Variants in FARP1 observed in about 807,000 individuals in gnomAD.
FARP1 encodes FERM, ARH/RhoGEF and pleckstrin domain protein 1, also known as FERM, ARHGEF and pleckstrin domain-containing protein 1.
In FARP1, 52 loss-of-function variants were observed where a neutral mutation model predicts 128.8. That is an observed-to-expected ratio of 0.40 (90% CI 0.32 to 0.51). The LOEUF is 0.51. FARP1 is among the 20% of genes least tolerant of loss of function. The pLI, the probability that FARP1 is intolerant of heterozygous loss-of-function variation, is 0.45. For missense variants in FARP1, 1,333 were observed against 1,367.9 expected, an observed-to-expected ratio of 0.97 and a Z score of 0.40; for synonymous variants, 580 against 551.8, an observed-to-expected ratio of 1.05 and a Z score of -0.72.
chr13:98,380,701 G>C lies in FARP1; in HGVS notation c.496+2783G>C, dbSNP rs1205366397. 2.6e-5 allele frequency among the ~76,000 whole-genome samples: 4 copies of C among 152,096 alleles called. No homozygotes were observed. In the East Asian group the frequency reaches 7.8e-4, roughly 30 times the overall value. ...CAATCCTCCTGCCTCAGCCTCCTGA[G>C]TAGCTGGGACTCTAGGCACATGCCA... On this transcript the variant is annotated intron_variant, in intron 6 of 26. Coordinates refer to ENST00000319562, the MANE Select transcript of FARP1 (RefSeq NM_005766.4).
At chr13:98,181,339 A>G (rs966139974) in intron 1 of FARP1, among the ~76,000 whole-genome samples, 1 of 152,204 alleles carries the variant, frequency 6.6e-6, no homozygotes, top group Non-Finnish European at 1.5e-5. Flanking sequence ...TTTCAGTTTT[A>G]TCCCCTGCAA....
At chr13:98,331,792 G>T (rs1382864029) in intron 2 of FARP1, 1 of 152,112 alleles carries the variant, frequency 6.6e-6, no homozygotes, top group Non-Finnish European at 1.5e-5. Context: ...CTAGTAAGTG[G>T]CAAGCCAGCT....
At position 98,214,922 on chromosome 13, in the gene FARP1, A is replaced by C. The variant is rs142779923; in HGVS notation, c.171+1509A>C. ...TTTGTCTTTGTTGCCAGACTGGTTC[A>C]GTGAGGTGTTTCGTTTCAGTGTTTC... On this transcript the variant is annotated intron_variant, in intron 2 of 26. Coordinates refer to ENST00000319562, the MANE Select transcript of FARP1 (RefSeq NM_005766.4). 5.1e-3 allele frequency among the ~76,000 whole-genome samples: 771 copies of C among 152,282 alleles called. 3 individuals carry two copies. The highest frequency in any genetic ancestry group is 0.018 in the African/African-American group (731 of 41,554).
chr13:98,417,803 C>A (rs1430881341), intron 16 of FARP1, among the ~76,000 whole-genome samples: 1 of 152,080 alleles, frequency 6.6e-6, no homozygotes, highest in African/African-American at 2.4e-5. Flanking sequence ...TTTTGCTGCC[C>A]AGAAAAATGG....
intron 1 of FARP1, 39 bp from the exon 2 acceptor site, chr13:98,213,181 C>G: frequency 6.5e-7 from 1 of 1,547,608 alleles, no homozygotes; most frequent in Non-Finnish European, 8.8e-7. Context: ...TGGTAGTCTC[C>G]TATTCTGATG....
intron 2 of FARP1, among the ~76,000 whole-genome samples, chr13:98,335,266 A>G (rs1367094424): frequency 6.6e-6 from 1 of 152,212 alleles, no homozygotes; most frequent in East Asian, 1.9e-4. Context: ...AAATTTATAC[A>G]GGAAAGGGGC....
chr13:98,241,462 G>A (rs1279414654), intron 2 of FARP1, among the ~76,000 whole-genome samples: 2 of 152,162 alleles, frequency 1.3e-5, no homozygotes, highest in Admixed American at 6.5e-5. Context: ...CTGCACATCT[G>A]GACTAGAATG....
At chr13:98,386,395 T>G (rs1277446483) in intron 8 of FARP1, among the ~76,000 whole-genome samples, 1 of 152,196 alleles carries the variant, frequency 6.6e-6, no homozygotes, top group African/African-American at 2.4e-5. Flanking sequence ...ATAATGATTC[T>G]CTGCACTCTA....
At chr13:98,282,570 G>C (rs892261841) in intron 2 of FARP1, among the ~76,000 whole-genome samples, 12 of 152,156 alleles carry the variant, frequency 7.9e-5, no homozygotes, top group African/African-American at 2.4e-4. Context: ...AACCTACTCA[G>C]AAATTATTTC....
At chr13:98,199,674 G>A (rs537735882) in intron 1 of FARP1, among the ~76,000 whole-genome samples, 1 of 152,332 alleles carries the variant, frequency 6.6e-6, no homozygotes, top group South Asian at 2.1e-4. Context: ...ACTTTCCTTA[G>A]TGAGTGGAAG....
chr13:98,183,044 T>C (rs1408985890), intron 1 of FARP1, among the ~76,000 whole-genome samples: 3 of 152,252 alleles, frequency 2.0e-5, no homozygotes, highest in East Asian at 1.9e-4. Flanking sequence ...TAAGATCCTT[T>C]AATATTTTTG....
intron 1 of FARP1, among the ~76,000 whole-genome samples, chr13:98,166,685 C>T (rs1410370961): frequency 2.0e-5 from 3 of 151,816 alleles, no homozygotes; most frequent in Non-Finnish European, 4.4e-5. Flanking sequence ...AATATTTTCA[C>T]CTGTCCTAAT....
At chr13:98,320,431 T>C (rs985656978) in intron 2 of FARP1, among the ~76,000 whole-genome samples, 7 of 152,228 alleles carry the variant, frequency 4.6e-5, no homozygotes, top group African/African-American at 1.4e-4. Context: ...TGTGAAGCTG[T>C]AGTTTCAAAA....
At chr13:98,248,635 G>A (rs1251505838) in intron 2 of FARP1, among the ~76,000 whole-genome samples, 1 of 152,168 alleles carries the variant, frequency 6.6e-6, no homozygotes, top group African/African-American at 2.4e-5. Context: ...AATCAAGCTT[G>A]TGGTGCTTTC....
intron 17 of FARP1, among the ~76,000 whole-genome samples, chr13:98,429,816 C>T (rs993431918): frequency 3.9e-5 from 6 of 152,216 alleles, no homozygotes; most frequent in African/African-American, 1.2e-4. Flanking sequence ...ACTTGGGCTA[C>T]TCGCCTGTGC....
intron 2 of FARP1, among the ~76,000 whole-genome samples, chr13:98,256,950 TATATATATATATATATA>T (rs1883631861): frequency 2.0e-4 from 3 of 15,128 alleles, no homozygotes; most frequent in Non-Finnish European, 3.0e-4. Flanking sequence ...TATATGTGGA[TATATATATATATATATA>T]TATATATATA....
chr13:98,440,266 A>G lies in FARP1; in HGVS notation c.2629+31A>G, dbSNP rs146148491. 8,814 of 1,519,014 alleles carry G rather than the reference A, an allele frequency of 5.8e-3. 35 individuals carry two copies. Among genetic ancestry groups the G allele is most frequent in the Middle Eastern group, 9.1e-3 (53 of 5,800 alleles). 94.1% of individuals were successfully genotyped at this position (1,519,014 alleles called of 1,614,324 possible). A position where few individuals can be genotyped will look rare whatever the true frequency, so the allele number is the denominator to read the frequency against. On this transcript the variant is annotated intron_variant, in intron 23 of 26. Transcript: ENST00000319562. ...TGTGGCCAGGGCAGCTTTCCCATGC[A>G]GGGGTCTGGTTCATGGAGGGACAGC...
chr13:98,299,415 G>A (rs1228317494), intron 2 of FARP1, among the ~76,000 whole-genome samples: 1 of 152,172 alleles, frequency 6.6e-6, no homozygotes, highest in African/African-American at 2.4e-5. Context: ...CCCAGCAGGC[G>A]AAATGTATGA....
chr13:98,423,785 A>G (rs1891680608), intron 16 of FARP1, among the ~76,000 whole-genome samples: 2 of 152,188 alleles, frequency 1.3e-5, no homozygotes. Context: ...TTAACTTAGC[A>G]TGGTGTCTGG....
Sources: gnomAD v4.1 joint callset for allele counts (sites outside exome capture counted in the v4.1 genomes callset) on GRCh38, gnomAD v4.1.1 for gene constraint, MANE v1.5 for transcripts, NCBI Gene and HGNC (gene_info 2026-07-23, HGNC 2026-07-21) for gene names.